Variants in MAX observed in about 807,000 individuals in gnomAD.
The protein encoded by MAX is protein max.
In MAX, 3 loss-of-function variants were observed where a neutral mutation model predicts 22.3. The ratio of observed to expected loss-of-function variants is 0.13; its 90% CI spans 0.06 to 0.35. The LOEUF (loss-of-function observed/expected upper bound fraction) is 0.35. Ranked by LOEUF, MAX falls within the 10% of genes least tolerant of loss-of-function variation. MAX has a pLI of 1.00. For synonymous variants in MAX, 72 were observed against 77.7 expected (o/e 0.93, Z 0.39); for missense variants, 119 against 209.4 (o/e 0.57, Z 2.66).
intron 3 of MAX, among the ~76,000 whole-genome samples, chr14:65,016,144 G>A (rs1478138422): frequency 2.0e-5 from 3 of 152,120 alleles, no homozygotes; most frequent in African/African-American, 7.2e-5. Context: ...CCCCGCTCCC[G>A]GTGCTTGGAG....
At chr14:65,006,488 C>T (rs974992214) in intron 3 of MAX, among the ~76,000 whole-genome samples, 1 of 152,152 alleles carries the variant, frequency 6.6e-6, no homozygotes, top group Non-Finnish European at 1.5e-5. Context: ...GTAATGGTAT[C>T]CTTGGCAGTT....
At chr14:65,043,870 T>C (rs1200883475) in intron 3 of MAX, among the ~76,000 whole-genome samples, 1 of 138,898 alleles carries the variant, frequency 7.2e-6, no homozygotes, top group Non-Finnish European at 1.5e-5. Flanking sequence ...AGAAATGTAG[T>C]ACCAAATTCC....
At chr14:65,040,011 A>G (rs72728263) in intron 3 of MAX, among the ~76,000 whole-genome samples, 15,142 of 152,028 alleles carry the variant, frequency 0.1, 1,000 homozygotes, top group Admixed American at 0.17. Flanking sequence ...TAACATGGCA[A>G]TGCCCCATCT....
rs571752559 is a variant in MAX at position 65,028,875 on chromosome 14, GCA to G, written c.172-22593_172-22592del. 1.2e-4 allele frequency among the ~76,000 whole-genome samples: 19 copies of G among 152,196 alleles called. No homozygotes were observed. The East Asian group carries it at 3.5e-3, about 28-fold the overall frequency. On this transcript the variant is annotated intron_variant, in intron 3 of 3. Coordinates refer to the MAX transcript ENST00000341653. The surrounding 1 kb of genome is among the most constrained non-coding windows in gnomAD (Gnocchi z 4.4). ...TTCTGTTGCTATTCCCCCAAAATAT[GCA>G]CAGTCTTGAAACGCAGCTTTTAAAA...
chr14:65,063,856 C>T (rs928963276), intron 3 of MAX, among the ~76,000 whole-genome samples: 1 of 152,212 alleles, frequency 6.6e-6, no homozygotes, highest in Non-Finnish European at 1.5e-5. Context: ...TGAGCCACCG[C>T]ACCTTTGGAG....
At chr14:65,008,517 A>T (rs1171506603) in intron 3 of MAX, among the ~76,000 whole-genome samples, 1 of 152,242 alleles carries the variant, frequency 6.6e-6, no homozygotes, top group East Asian at 1.9e-4. Flanking sequence ...CCGATGGGAT[A>T]ATTTGAGAGA....
At chr14:65,083,852 GC>G in intron 3 of MAX, 1 of 1,208,998 alleles carries the variant, frequency 8.3e-7, no homozygotes, top group Non-Finnish European at 1.0e-6. Context: ...TAAAGGGAGG[GC>G]CCAGGGCTAA....
At position 65,076,534 on chromosome 14, in the gene MAX, G is replaced by A. The variant is rs760147253; in HGVS notation, c.425C>T (p.Ser142Leu). Residue 142 changes from serine (S) to leucine (L), a missense_variant, in exon 5 of 5, where the codon TCG (serine) becomes TTG (leucine). By Grantham distance (145) the Ser-to-Leu change is moderately radical. Around this residue, in one of 3 missense-constraint regions of MAX, gnomAD observed 95 missense variants for 148.1 expected, o/e 0.64. Transcript: ENST00000358664. The surrounding 1 kb of genome is among the most constrained non-coding windows in gnomAD (Gnocchi z 6.6). ...SAFDGGSDSS[S>L]ESEPEEPQSR... ...TTGGGGCTCTTCAGGCTCAGACTCC[G>A]AGCTGGAGTCCGAGCCCCCATCGAA... The A allele has an allele frequency of 3.9e-5, 63 of 1,613,886 alleles. No individual in the cohort carries two copies. Among genetic ancestry groups the A allele is most frequent in the Admixed American group, 6.7e-5 (4 of 59,998 alleles).
In MAX at chr14:65,028,259, G is replaced by C. The variant is rs2062019767; in HGVS notation, c.172-21975C>G. Among the ~76,000 whole-genome samples, 1 of 152,162 alleles carries C rather than the reference G, an allele frequency of 6.6e-6. No homozygotes were observed. Reference sequence around the variant, plus strand: ...GTGCAGAGAGCCTTGTGGGCCGGGAGAGTGCAGTGCAATAAAATCGCATTA... The same window carrying C: ...GTGCAGAGAGCCTTGTGGGCCGGGACAGTGCAGTGCAATAAAATCGCATTA... On this transcript the variant is annotated intron_variant, in intron 3 of 3. Transcript: ENST00000341653. This position sits in a 1 kb window ranked among gnomAD's most constrained non-coding sequence, Gnocchi z 4.4.
rs10130343 is a variant in MAX, at chr14:65,062,169, A to T, written c.171+31539T>A. The T allele has an allele frequency of 0.23, 34,578 of 152,076 alleles. 7,150 individuals carry two copies. The highest frequency in any genetic ancestry group is 0.56 in the African/African-American group (23,021 of 41,246). The allele number at this position is 152,076 out of a possible 1,614,324, so 9.4% of individuals were successfully genotyped here. A position where few individuals can be genotyped will look rare whatever the true frequency, so the allele number is the denominator to read the frequency against. On this transcript the variant is annotated intron_variant, in intron 3 of 3. Coordinates refer to the MAX transcript ENST00000341653. This position sits in a 1 kb window ranked among gnomAD's most constrained non-coding sequence, Gnocchi z 4.3. ...GGCCGAGGCCCTTCTGGGGGTTTCT[A>T]TCTTTCTTCCACCAGACTCCAAGCC...
chr14:65,083,198 C>A (rs1195568198), intron 3 of MAX, among the ~76,000 whole-genome samples: 4 of 152,166 alleles, frequency 2.6e-5, no homozygotes, highest in Non-Finnish European at 2.9e-5. Context: ...CAGAGGCACC[C>A]ACTGTCAGAC....
rs754435479 is a variant in MAX at position 65,054,621 on chromosome 14, A to G, written c.171+39087T>C. 1.7e-5 allele frequency: 27 copies of G among 1,613,796 alleles called. No homozygotes were observed. Among genetic ancestry groups the G allele is most frequent in the Non-Finnish European group, 2.0e-5 (24 of 1,179,940 alleles). ...CTGCTACTGCCTGAGCGGCCTGTCC[A>G]TAGCCCAGCACTTCGGCAGCGGAGC... On this transcript the variant is annotated intron_variant, in intron 3 of 3. Transcript: ENST00000341653. This position sits in a 1 kb window ranked among gnomAD's most constrained non-coding sequence, Gnocchi z 4.4.
Position 65,054,658 on chromosome 14 carries a change from A to G in MAX, c.171+39050T>C. 1 of 1,613,156 alleles carries G rather than the reference A, an allele frequency of 6.2e-7. No individual in the cohort carries two copies. Among genetic ancestry groups the G allele is most frequent in the Non-Finnish European group, 8.5e-7 (1 of 1,179,582 alleles). ...TTCGGCAGCGGAGCCATGTTGCATG[A>G]TGTGGTCCTGGGTGTGCCCGAAAAC... On this transcript the variant is annotated intron_variant, in intron 3 of 3. Coordinates refer to the MAX transcript ENST00000341653. This position sits in a 1 kb window ranked among gnomAD's most constrained non-coding sequence, Gnocchi z 4.4.
At chr14:65,094,893 C>T (rs561966206) in intron 2 of MAX, among the ~76,000 whole-genome samples, 8 of 152,208 alleles carry the variant, frequency 5.3e-5, no homozygotes, top group Non-Finnish European at 1.2e-4. Flanking sequence ...CAACGTTGCA[C>T]TGAGCTAATC....
rs919562672 is a variant in MAX at position 65,076,974 on chromosome 14, A to C, written c.296-311T>G. 5 of 553,482 alleles carry C rather than the reference A, an allele frequency of 9.0e-6. No individual in the cohort carries two copies. Among genetic ancestry groups the C allele is most frequent in the Non-Finnish European group, 3.2e-6 (1 of 309,470 alleles). 34.3% of individuals were successfully genotyped at this position (553,482 alleles called of 1,614,324 possible). ...GACTGGAGCGTGAGCTCCCTGTGGG[A>C]TTCAGCAGTGCAATAACAGAGGAGA... On this transcript the variant is annotated intron_variant, in intron 4 of 4. Coordinates refer to ENST00000358664, the MANE Select transcript of MAX (RefSeq NM_002382.5). The surrounding 1 kb of genome is among the most constrained non-coding windows in gnomAD (Gnocchi z 6.6).
At chr14:65,053,625 T>TAAAAAAAAAAAAAAAA (rs201558638) in intron 3 of MAX, among the ~76,000 whole-genome samples, 1 of 146,302 alleles carries the variant, frequency 6.8e-6, no homozygotes, top group African/African-American at 2.7e-5. Context: ...CTTCTTTTTT[T>TAAAAAAAAAAAAAAAA]TAAAAAAAAC....
intron 2 of MAX, among the ~76,000 whole-genome samples, chr14:65,096,961 G>A (rs1042575955): frequency 2.0e-5 from 3 of 152,134 alleles, no homozygotes; most frequent in East Asian, 1.9e-4. Context: ...GGATTTGTAC[G>A]TCTGGATGTC....
chr14:65,037,755 TA>T (rs1480200170), intron 3 of MAX, among the ~76,000 whole-genome samples: 2 of 128,490 alleles, frequency 1.6e-5, no homozygotes, highest in African/African-American at 6.3e-5. Context: ...TTTATTTATT[TA>T]TTTATTTATT....
chr14:65,092,080 A>G (rs1459162973), intron 3 of MAX, among the ~76,000 whole-genome samples: 1 of 152,260 alleles, frequency 6.6e-6, no homozygotes, highest in African/African-American at 2.4e-5. Flanking sequence ...AATTATAAGG[A>G]CTTAAGGAAG....
Sources: gnomAD v4.1 joint callset for allele counts (sites outside exome capture counted in the v4.1 genomes callset) on GRCh38, gnomAD v4.1.1 for gene constraint, gnomAD v4.1.1 regional missense constraint, Gnocchi (gnomAD v3.1) non-coding constraint, MANE v1.5 for transcripts, NCBI Gene and HGNC (gene_info 2026-07-23, HGNC 2026-07-21) for gene names.